Variants in ANKS1B observed in about 807,000 individuals in gnomAD.
ANKS1B encodes ankyrin repeat and sterile alpha motif domain-containing protein 1B.
Under a neutral mutation model 148.3 loss-of-function variants are expected in ANKS1B, and 36 were observed. The ratio of observed to expected loss-of-function variants is 0.24; its 90% CI spans 0.19 to 0.32. The LOEUF is 0.32. ANKS1B is among the 10% of genes least tolerant of loss of function. The pLI is 1.00. For synonymous variants in ANKS1B, 542 were observed against 560.8 expected (o/e 0.97, Z 0.47); for missense variants, 1,157 against 1,542.6 (o/e 0.75, Z 4.19).
In ANKS1B at chr12:99,806,393, A is replaced by G. The variant is rs1391624943; in HGVS notation, c.669+11T>C. On this transcript the variant is annotated intron_variant, in intron 4 of 26. Transcript: ENST00000683438. ...TCATCACTTTTAAAGCATAGCTAAA[A>G]GCACACTCACTTGACAGCTCACATC... 1.2e-6 allele frequency: 2 copies of G among 1,612,674 alleles called. No individual in the cohort carries two copies. The highest frequency in any genetic ancestry group is 2.7e-5 in the African/African-American group (2 of 74,930).
At chr12:99,074,392 T>C (rs1350071858) in intron 16 of ANKS1B, among the ~76,000 whole-genome samples, 19 of 151,944 alleles carry the variant, frequency 1.3e-4, no homozygotes. Flanking sequence ...AGTAGCCATC[T>C]TGCTTTGTGA....
chr12:99,856,931 T>G (rs965744230), intron 1 of ANKS1B, among the ~76,000 whole-genome samples: 2 of 152,230 alleles, frequency 1.3e-5, no homozygotes, highest in Non-Finnish European at 2.9e-5. Context: ...AACATTATAC[T>G]GAACAGGAAA....
intron 12 of ANKS1B, among the ~76,000 whole-genome samples, chr12:99,336,087 T>C (rs1365391522): frequency 6.6e-6 from 1 of 152,158 alleles, no homozygotes; most frequent in Non-Finnish European, 1.5e-5. Flanking sequence ...TTTCTCATTG[T>C]GGTTTTGATT....
intron 1 of ANKS1B, among the ~76,000 whole-genome samples, chr12:99,874,022 C>CATATAT (rs150860727): frequency 7.3e-6 from 1 of 137,856 alleles, no homozygotes; most frequent in African/African-American, 3.2e-5. Flanking sequence ...CTCTCTCTCA[C>CATATAT]ATATATATAT....
chr12:98,991,208 A>G (rs11109693), intron 17 of ANKS1B, among the ~76,000 whole-genome samples: 26,243 of 152,140 alleles, frequency 0.17, 2,457 homozygotes, highest in Non-Finnish European at 0.21. Flanking sequence ...CTCAAAGAAA[A>G]CTCTAATATA....
intron 10 of ANKS1B, among the ~76,000 whole-genome samples, chr12:99,450,671 C>T (rs2095717243): frequency 6.6e-6 from 1 of 152,152 alleles, no homozygotes; most frequent in South Asian, 2.1e-4. Flanking sequence ...TACTATCTTG[C>T]ATTGTTCATT....
intron 9 of ANKS1B, among the ~76,000 whole-genome samples, chr12:99,506,509 T>A (rs2153012868): frequency 6.6e-6 from 1 of 152,098 alleles, no homozygotes; most frequent in African/African-American, 2.4e-5. Flanking sequence ...GGATGGCATA[T>A]AATTCTGAAA....
At chr12:99,510,032 T>A (rs2096748667) in intron 9 of ANKS1B, among the ~76,000 whole-genome samples, 1 of 151,974 alleles carries the variant, frequency 6.6e-6, no homozygotes, top group African/African-American at 2.4e-5. Context: ...GTTGGCAGCA[T>A]GTCTGTTTAC....
chr12:99,031,168 G>A (rs558086841), intron 17 of ANKS1B, among the ~76,000 whole-genome samples: 32 of 152,200 alleles, frequency 2.1e-4, no homozygotes, highest in African/African-American at 6.7e-4. Context: ...CACTTGATGG[G>A]GTTATAAGGA....
intron 12 of ANKS1B, chr12:99,352,158 C>A (rs777309711): frequency 2.0e-5 from 3 of 151,796 alleles, no homozygotes; most frequent in South Asian, 4.2e-4. Flanking sequence ...AAAACATGTT[C>A]TTTACTCCAA....
chr12:98,908,661 A>T (rs2099782691), intron 17 of ANKS1B, among the ~76,000 whole-genome samples: 1 of 152,214 alleles, frequency 6.6e-6, no homozygotes, highest in Non-Finnish European at 1.5e-5. Flanking sequence ...CTTGAGGAGA[A>T]GAGTCACCAT....
intron 17 of ANKS1B, among the ~76,000 whole-genome samples, chr12:98,990,734 C>T (rs1598122438): frequency 6.6e-6 from 1 of 152,142 alleles, no homozygotes; most frequent in South Asian, 2.1e-4. Flanking sequence ...ACTGTTTACT[C>T]CAAATTAGGG....
chr12:98,932,796 C>T (rs2152971104), intron 17 of ANKS1B, among the ~76,000 whole-genome samples: 1 of 152,214 alleles, frequency 6.6e-6, no homozygotes, highest in Non-Finnish European at 1.5e-5. Flanking sequence ...TTCAGGGTTT[C>T]ACAGAATCTT....
intron 8 of ANKS1B, among the ~76,000 whole-genome samples, chr12:99,677,985 T>G (rs1328224001): frequency 6.6e-6 from 1 of 152,048 alleles, no homozygotes; most frequent in Non-Finnish European, 1.5e-5. Flanking sequence ...AAAAAAATTT[T>G]TTTTCAGTTA....
intron 6 of ANKS1B, among the ~76,000 whole-genome samples, chr12:99,778,107 GGA>G (rs2063861912): frequency 1.3e-5 from 2 of 152,018 alleles, no homozygotes; most frequent in South Asian, 4.1e-4. Flanking sequence ...GGCTGAGGCA[GGA>G]GAATGGTGTG....
chr12:99,200,498 T>C (rs2081946860), intron 14 of ANKS1B, among the ~76,000 whole-genome samples: 1 of 152,230 alleles, frequency 6.6e-6, no homozygotes, highest in Admixed American at 6.5e-5. Flanking sequence ...TTTCAAATTA[T>C]TATTTTTTTG....
chr12:98,849,656 A>G (rs1408543883), intron 17 of ANKS1B, among the ~76,000 whole-genome samples: 1 of 152,216 alleles, frequency 6.6e-6, no homozygotes. Flanking sequence ...AATAAAATAT[A>G]AGTTTTCAAA....
intron 1 of ANKS1B, among the ~76,000 whole-genome samples, chr12:99,961,204 G>C (rs892258417): frequency 6.6e-6 from 1 of 151,680 alleles, no homozygotes; most frequent in Admixed American, 6.6e-5. Flanking sequence ...ACTCCAGCCT[G>C]GGCAGCAGAG....
chr12:99,225,283 A>G (rs1372379418), intron 14 of ANKS1B, among the ~76,000 whole-genome samples: 1 of 152,056 alleles, frequency 6.6e-6, no homozygotes, highest in East Asian at 1.9e-4. Flanking sequence ...CGCCTTGATA[A>G]TATTGTTATC....
Sources: gnomAD v4.1 joint callset for allele counts (sites outside exome capture counted in the v4.1 genomes callset) on GRCh38, gnomAD v4.1.1 for gene constraint, MANE v1.5 for transcripts, NCBI Gene and HGNC (gene_info 2026-07-23, HGNC 2026-07-21) for gene names.